The following MTA3 variants were observed in gnomAD, a reference collection of about 807,000 sequenced individuals.
MTA3 encodes metastasis-associated protein MTA3.
In MTA3, 34 loss-of-function variants were observed where a neutral mutation model predicts 83.5. The ratio of observed to expected loss-of-function variants is 0.41; its 90% CI spans 0.31 to 0.54. MTA3 has a LOEUF of 0.54. Among genes scored for constraint, MTA3 ranks in the 20% least tolerant of loss-of-function variants. The pLI, the probability that MTA3 is intolerant of heterozygous loss-of-function variation, is 0.33. For missense variants in MTA3, 761 were observed against 726.4 expected, an observed-to-expected ratio of 1.05 and a Z score of -0.55; for synonymous variants, 303 against 252.7, an observed-to-expected ratio of 1.20 and a Z score of -1.89.
At chr2:42,688,430 G>C (rs1032542768) in intron 9 of MTA3, among the ~76,000 whole-genome samples, 5 of 152,140 alleles carry the variant, frequency 3.3e-5, no homozygotes, top group Admixed American at 2.0e-4. Context: ...GTTTGTAGTA[G>C]CATTTCATTT....
intron 2 of MTA3, among the ~76,000 whole-genome samples, chr2:42,544,815 CTA>C (rs1676684341): frequency 6.6e-6 from 1 of 152,136 alleles, no homozygotes; most frequent in African/African-American, 2.4e-5. Flanking sequence ...GTATCTCGTG[CTA>C]TATGGCTTTC....
At chr2:42,620,764 G>T (rs1558510171) in intron 4 of MTA3, among the ~76,000 whole-genome samples, 4 of 152,160 alleles carry the variant, frequency 2.6e-5, no homozygotes, top group Admixed American at 2.6e-4. Flanking sequence ...GAAGTGTTGG[G>T]ATTACGGGGA....
At chr2:42,653,704 T>C (rs550845296) in intron 6 of MTA3, among the ~76,000 whole-genome samples, 1 of 152,346 alleles carries the variant, frequency 6.6e-6, no homozygotes, top group African/African-American at 2.4e-5. Flanking sequence ...TTAGAATTCT[T>C]CTAAGTCTTA....
intron 11 of MTA3, chr2:42,702,873 G>A (rs919845061): frequency 2.6e-5 from 4 of 152,234 alleles, no homozygotes; most frequent in Non-Finnish European, 4.4e-5. Flanking sequence ...GATAATCTGG[G>A]CTGCACGTTT....
At chr2:42,650,431 GGTTTTTTT>G (rs1252732886) in intron 6 of MTA3, among the ~76,000 whole-genome samples, 7 of 151,778 alleles carry the variant, frequency 4.6e-5, no homozygotes, top group Admixed American at 2.6e-4. Context: ...GTTTGTTTGG[GGTTTTTTT>G]GTTTTTTTGG....
At chr2:42,553,236 T>C (rs1245121579) in intron 2 of MTA3, among the ~76,000 whole-genome samples, 5 of 151,388 alleles carry the variant, frequency 3.3e-5, no homozygotes, top group East Asian at 2.0e-4. Flanking sequence ...CAATCCTGGC[T>C]AACGCGGTGA....
chr2:42,725,179 A>C (rs780425862), intron 16 of MTA3, among the ~76,000 whole-genome samples: 1 of 152,232 alleles, frequency 6.6e-6, no homozygotes, highest in Non-Finnish European at 1.5e-5. Flanking sequence ...TTTGTTTTGC[A>C]TATCATTGTA....
chr2:42,610,509 A>G (rs1684059381), intron 4 of MTA3, among the ~76,000 whole-genome samples: 1 of 152,216 alleles, frequency 6.6e-6, no homozygotes, highest in African/African-American at 2.4e-5. Context: ...TACTGCAGAA[A>G]AAACAAAAAG....
At chr2:42,543,494 T>C (rs757288829) in intron 2 of MTA3, among the ~76,000 whole-genome samples, 16 of 151,962 alleles carry the variant, frequency 1.1e-4, no homozygotes, top group Non-Finnish European at 2.1e-4. Flanking sequence ...TTTTTATGTT[T>C]GTTTGTTTGA....
intron 7 of MTA3, among the ~76,000 whole-genome samples, chr2:42,658,299 G>A (rs1484069659): frequency 1.3e-5 from 2 of 152,014 alleles, no homozygotes; most frequent in African/African-American, 4.8e-5. Flanking sequence ...TATCTCTTAA[G>A]TTTCACTCCT....
chr2:42,518,968 AACACACACACACACACACAC>A (rs60877713), intron 2 of MTA3, among the ~76,000 whole-genome samples: 5,289 of 114,670 alleles, frequency 0.046, 145 homozygotes, highest in East Asian at 0.087. Flanking sequence ...CCTTTCTCAA[AACACACACACACACACACAC>A]ACACACACAC....
chr2:42,558,501 C>T (rs1000799511), intron 2 of MTA3, among the ~76,000 whole-genome samples: 10 of 151,930 alleles, frequency 6.6e-5, no homozygotes, highest in African/African-American at 7.2e-5. Context: ...CTGCCCACCT[C>T]GGCCTCCCAA....
chr2:42,729,095 T>TTTTTTG, intron 16 of MTA3, among the ~76,000 whole-genome samples: 1 of 119,680 alleles, frequency 8.4e-6, no homozygotes. Flanking sequence ...AGTTTTTTTT[T>TTTTTTG]TTTTTTTTTT....
At chr2:42,694,941 C>A (rs1369037668) in intron 9 of MTA3, among the ~76,000 whole-genome samples, 1 of 151,950 alleles carries the variant, frequency 6.6e-6, no homozygotes, top group Non-Finnish European at 1.5e-5. Flanking sequence ...TTGTTCAAGA[C>A]CAGCCTGGGC....
intron 2 of MTA3, among the ~76,000 whole-genome samples, chr2:42,537,723 C>T (rs146113084): frequency 6.6e-6 from 1 of 152,182 alleles, no homozygotes; most frequent in Admixed American, 6.6e-5. Flanking sequence ...AAGAATATCA[C>T]CTATCAGGGA....
intron 5 of MTA3, among the ~76,000 whole-genome samples, chr2:42,643,032 TCTCCCC>T (rs1687835619): frequency 1.6e-5 from 1 of 62,482 alleles, no homozygotes; most frequent in African/African-American, 8.4e-5. Flanking sequence ...CATATTGGTG[TCTCCCC>T]CCCCCCCCTT....
At chr2:42,728,426 G>A (rs1407451987) in intron 16 of MTA3, among the ~76,000 whole-genome samples, 2 of 152,090 alleles carry the variant, frequency 1.3e-5, no homozygotes, top group Non-Finnish European at 2.9e-5. Flanking sequence ...TCTTCAATAC[G>A]CTGATTTCTT....
chr2:42,638,885 AG>A (rs200540506), intron 4 of MTA3, among the ~76,000 whole-genome samples: 1,068 of 74,510 alleles, frequency 0.014, 6 homozygotes, highest in African/African-American at 0.057. Context: ...CATTTTTATA[AG>A]GGGTTTTTTT....
chr2:42,600,677 A>T (rs1007114333), intron 3 of MTA3, among the ~76,000 whole-genome samples: 1 of 151,580 alleles, frequency 6.6e-6, no homozygotes, highest in Non-Finnish European at 1.5e-5. Flanking sequence ...AGTAGCTAGG[A>T]TTACAGGGAT....
Sources: allele counts gnomAD v4.1 joint callset (sites outside exome capture counted in the v4.1 genomes callset), GRCh38; gene constraint gnomAD v4.1.1; transcripts MANE v1.5; gene names NCBI Gene and HGNC (gene_info 2026-07-23, HGNC 2026-07-21).